The following ZMYM4 variants were observed in gnomAD, a reference collection of about 807,000 sequenced individuals.
The protein encoded by ZMYM4 is zinc finger MYM-type protein 4.
In ZMYM4, 31 loss-of-function variants were observed where a neutral mutation model predicts 183.2. The ratio of observed to expected loss-of-function variants is 0.17; its 90% CI spans 0.13 to 0.23. ZMYM4 has a LOEUF of 0.23. Among genes scored for constraint, ZMYM4 ranks in the 10% least tolerant of loss-of-function variants. ZMYM4 has a pLI of 1.00. For missense variants in ZMYM4, 1,273 were observed against 1,840.3 expected, an observed-to-expected ratio of 0.69 and a Z score of 5.64; for synonymous variants, 592 against 631.2, an observed-to-expected ratio of 0.94 and a Z score of 0.93.
intron 1 of ZMYM4, among the ~76,000 whole-genome samples, chr1:35,303,372 A>G (rs914940342): frequency 1.3e-5 from 2 of 150,740 alleles, no homozygotes; most frequent in South Asian, 4.2e-4. Flanking sequence ...TGTAGTGGTG[A>G]TCTCTCTTTC....
At chr1:35,313,811 A>G (rs962295827) in intron 1 of ZMYM4, among the ~76,000 whole-genome samples, 1 of 152,150 alleles carries the variant, frequency 6.6e-6, no homozygotes, top group East Asian at 1.9e-4. Flanking sequence ...TTAAAAATGT[A>G]TATTATATTT....
chr1:35,399,543 A>G lies in ZMYM4; in HGVS notation c.3495A>G (p.Arg1165=). 6.2e-7 allele frequency: 1 copy of G among 1,614,172 alleles called. No homozygotes were observed. Among genetic ancestry groups the G allele is most frequent in the Non-Finnish European group, 8.5e-7 (1 of 1,180,018 alleles). The change falls in exon 23 of 30, where the codon CGA becomes CGG. Residue 1165 remains arginine (R), a synonymous_variant. Coordinates refer to ENST00000314607, the MANE Select transcript of ZMYM4 (RefSeq NM_005095.3). ...AGGCACGTTCCCGAACAAGACGACGACACAGAGATGGCTTCCCCCAACCCA... is the reference window on the plus strand; with the variant it reads ...AGGCACGTTCCCGAACAAGACGACGGCACAGAGATGGCTTCCCCCAACCCA... The part of the protein sequence containing the change: ...GIQARSRTRR[R]HRDGFPQPRR...
intron 15 of ZMYM4, among the ~76,000 whole-genome samples, chr1:35,390,719 A>C (rs1644686158): frequency 6.6e-6 from 1 of 152,194 alleles, no homozygotes; most frequent in Non-Finnish European, 1.5e-5. Flanking sequence ...TTTCTTTGAG[A>C]ATATTGAATC....
At chr1:35,399,269 G>A (rs757774537) in intron 22 of ZMYM4, among the ~76,000 whole-genome samples, 2 of 151,990 alleles carry the variant, frequency 1.3e-5, no homozygotes, top group East Asian at 1.9e-4. Flanking sequence ...AACCTTTCCC[G>A]TAGTAGCTAT....
intron 20 of ZMYM4, 116 bp downstream of exon 20, chr1:35,397,661 T>A (rs1231818987): frequency 8.2e-6 from 7 of 855,248 alleles, no homozygotes; most frequent in Non-Finnish European, 9.8e-6. Flanking sequence ...TGTCTGTGAA[T>A]ACCAAGCCTG....
chr1:35,362,007 T>TA (rs1174164211), intron 5 of ZMYM4, among the ~76,000 whole-genome samples: 5 of 152,222 alleles, frequency 3.3e-5, no homozygotes, highest in African/African-American at 4.8e-5. Flanking sequence ...CTTTGTTTCT[T>TA]AATACCACTG....
intron 26 of ZMYM4, among the ~76,000 whole-genome samples, chr1:35,412,999 C>T (rs1326369621): frequency 6.6e-6 from 1 of 152,054 alleles, no homozygotes; most frequent in Non-Finnish European, 1.5e-5. Flanking sequence ...TCCGTTACTA[C>T]TCATGGTGTG....
intron 2 of ZMYM4, among the ~76,000 whole-genome samples, chr1:35,352,308 C>G (rs1237187189): frequency 1.8e-5 from 2 of 109,844 alleles, no homozygotes; most frequent in Admixed American, 9.0e-5. Flanking sequence ...CACACACACA[C>G]AGCCAAAGTC....
intron 5 of ZMYM4, among the ~76,000 whole-genome samples, chr1:35,365,483 C>T (rs1420938214): frequency 4.0e-5 from 6 of 151,894 alleles, no homozygotes; most frequent in Non-Finnish European, 8.8e-5. Context: ...TGTAGTCTCT[C>T]ATTGAAAGAA....
chr1:35,291,737 A>C (rs1373096642), intron 1 of ZMYM4, among the ~76,000 whole-genome samples: 1 of 150,616 alleles, frequency 6.6e-6, no homozygotes, highest in Non-Finnish European at 1.5e-5. Flanking sequence ...TCCTGAGTTC[A>C]AGCGATTCTC....
intron 17 of ZMYM4, 87 bp from the exon 18 acceptor site, chr1:35,393,508 G>T: frequency 8.0e-7 from 1 of 1,243,094 alleles, no homozygotes; most frequent in South Asian, 1.9e-5. Flanking sequence ...ATTCCAATAT[G>T]ACATTTCCTT....
intron 10 of ZMYM4, 27 bp downstream of exon 10, chr1:35,385,619 A>G: frequency 1.9e-6 from 3 of 1,559,396 alleles, no homozygotes; most frequent in Non-Finnish European, 2.6e-6. Flanking sequence ...AAACTATGAA[A>G]TGCAATGGTT....
At position 35,386,982 on chromosome 1, in the gene ZMYM4, T is replaced by TTTG. The variant is rs1445031225; in HGVS notation, c.1837-15_1837-13dup. On this transcript the variant is annotated intron_variant, in intron 11 of 29. Transcript: ENST00000314607. The stretch of plus-strand genomic sequence containing the variant: ...TTTAACAAAGATTAAATTGATACTT[T>TTTG]TTGTTGTTTTGTTTTTCCAGAATTT... 2.5e-6 allele frequency: 4 copies of TTTG among 1,606,792 alleles called. No homozygotes were observed. The Admixed American group carries it at 5.0e-5, about 20-fold the overall frequency.
At chr1:35,313,183 C>A (rs545635558) in intron 1 of ZMYM4, among the ~76,000 whole-genome samples, 2 of 151,882 alleles carry the variant, frequency 1.3e-5, no homozygotes, top group African/African-American at 2.4e-5. Flanking sequence ...CATGAGCCAC[C>A]GTGACCGGCC....
chr1:35,381,204 AAGG>A, intron 7 of ZMYM4, 52 bp from the exon 8 acceptor site: 1 of 1,393,026 alleles, frequency 7.2e-7, no homozygotes, highest in Non-Finnish European at 9.7e-7. Context: ...AGCTCACAGA[AAGG>A]AAAAAGAAAT....
intron 2 of ZMYM4, among the ~76,000 whole-genome samples, chr1:35,343,227 G>C (rs1035131469): frequency 1.4e-4 from 22 of 151,936 alleles, no homozygotes; most frequent in Admixed American, 1.3e-3. Flanking sequence ...ATATTTTTAT[G>C]GTCTATGCTG....
At chr1:35,373,822 C>T (rs1486834424) in intron 7 of ZMYM4, among the ~76,000 whole-genome samples, 1 of 151,834 alleles carries the variant, frequency 6.6e-6, no homozygotes, top group Non-Finnish European at 1.5e-5. Context: ...CAGGTGTGAG[C>T]CACCGCGCCC....
intron 25 of ZMYM4, among the ~76,000 whole-genome samples, chr1:35,406,622 G>A (rs1229476617): frequency 6.6e-6 from 1 of 152,162 alleles, no homozygotes; most frequent in African/African-American, 2.4e-5. Flanking sequence ...CTGTTACAGG[G>A]ATGGCAACCC....
At chr1:35,409,358 T>A (rs1639776469) in intron 26 of ZMYM4, among the ~76,000 whole-genome samples, 1 of 152,188 alleles carries the variant, frequency 6.6e-6, no homozygotes, top group Admixed American at 6.5e-5. Context: ...TGAACTGTTT[T>A]CCAAAGTGGC....
Sources: allele counts gnomAD v4.1 joint callset (sites outside exome capture counted in the v4.1 genomes callset), GRCh38; gene constraint gnomAD v4.1.1; transcripts MANE v1.5; gene names NCBI Gene and HGNC (gene_info 2026-07-23, HGNC 2026-07-21).